CCDC146: variants seen among roughly 807,000 people sequenced by gnomAD.
CCDC146 encodes the protein coiled-coil domain-containing protein 146.
In CCDC146, 92 loss-of-function variants were observed where a neutral mutation model predicts 119.3. The observed-to-expected ratio is 0.77, with a 90% CI of 0.65 to 0.92. CCDC146 has a LOEUF of 0.92. CCDC146 is among the 40% of genes least tolerant of loss of function. The pLI is 0.00. For missense variants in CCDC146, 1,000 were observed against 1,103.0 expected (o/e 0.91, Z 1.32); for synonymous variants, 372 against 371.8 (o/e 1.00, Z -0.01).
rs958074974 is a variant in CCDC146 at position 77,131,993 on chromosome 7, C to T, written c.-12+9261C>T. On this transcript the variant is annotated intron_variant, in intron 1 of 18. Transcript: ENST00000285871. ...TCTTGATTGTAGTCATGGTAACTTG[C>T]GTACAAGCATTTGATAGAATGCATA... 5.3e-5 allele frequency among the ~76,000 whole-genome samples: 8 copies of T among 152,088 alleles called. No homozygotes were observed. In the East Asian group the frequency reaches 5.8e-4, roughly 11 times the overall value.
intron 9 of CCDC146, among the ~76,000 whole-genome samples, chr7:77,263,843 G>C (rs1257258231): frequency 3.9e-5 from 6 of 152,178 alleles, no homozygotes; most frequent in Non-Finnish European, 8.8e-5. Flanking sequence ...AGAATCGCTT[G>C]AACCCGGGAG....
intron 9 of CCDC146, among the ~76,000 whole-genome samples, chr7:77,262,861 G>A (rs563612033): frequency 5.2e-4 from 79 of 152,296 alleles, no homozygotes; most frequent in Middle Eastern, 6.8e-3. Flanking sequence ...CCCAAGTGAG[G>A]GGTCTGGTTG....
intron 17 of CCDC146, among the ~76,000 whole-genome samples, chr7:77,291,447 G>A (rs1793941918): frequency 6.6e-6 from 1 of 151,410 alleles, no homozygotes; most frequent in Admixed American, 6.6e-5. Flanking sequence ...GCTCATGCCT[G>A]TAATCCCAGC....
chr7:77,259,123 A>G (rs1793239183), intron 7 of CCDC146, 55 bp downstream of exon 7: 2 of 1,033,518 alleles, frequency 1.9e-6, no homozygotes, highest in Non-Finnish European at 2.9e-6. Context: ...ATGTGTGCAC[A>G]CTAGAACAAG....
chr7:77,171,971 G>A (rs1445361365), intron 2 of CCDC146, among the ~76,000 whole-genome samples: 2 of 152,174 alleles, frequency 1.3e-5, no homozygotes, highest in Non-Finnish European at 2.9e-5. Flanking sequence ...ATAATTTATA[G>A]TTATTAATTG....
Position 77,256,486 on chromosome 7 carries a change from T to C in CCDC146, c.661T>C (p.Leu221=). Residue 221 remains leucine (L), a synonymous_variant, in exon 6 of 19, where the codon TTG becomes CTG. Coordinates refer to ENST00000285871, the MANE Select transcript of CCDC146 (RefSeq NM_020879.3). ...AGAGCAGAAGGAACTAGAAGAATTG[T>C]TGGGACATCAGGTCGTCCTAAAGGT... The part of the protein sequence containing the change: ...LKEQKELEEL[L]GHQVVLKDEV... 1 of 1,605,552 alleles carries C rather than the reference T, an allele frequency of 6.2e-7. No homozygotes were observed. Among genetic ancestry groups the C allele is most frequent in the South Asian group, 1.1e-5 (1 of 88,502 alleles).
At chr7:77,131,058 A>C (rs1193834410) in intron 1 of CCDC146, among the ~76,000 whole-genome samples, 2 of 150,044 alleles carry the variant, frequency 1.3e-5, no homozygotes, top group Non-Finnish European at 1.5e-5. Context: ...CACCTGGCCA[A>C]TTTTTATAAA....
chr7:77,191,694 G>A (rs1791766078), intron 2 of CCDC146, among the ~76,000 whole-genome samples: 1 of 152,066 alleles, frequency 6.6e-6, no homozygotes, highest in Non-Finnish European at 1.5e-5. Context: ...GGATCACGAG[G>A]TCAGGAGATC....
intron 2 of CCDC146, chr7:77,197,013 G>C (rs1398566127): frequency 7.2e-7 from 1 of 1,382,088 alleles, no homozygotes; most frequent in Non-Finnish European, 1.0e-6. Context: ...GGAAGGCATT[G>C]GATCTTGTTA....
rs751587535 is a variant in CCDC146, at chr7:77,280,499, C to T, written c.1765C>T (p.Arg589Cys). 26 of 1,613,910 alleles carry T rather than the reference C, an allele frequency of 1.6e-5. No homozygotes were observed. Among genetic ancestry groups the T allele is most frequent in the Admixed American group, 5.0e-5 (3 of 59,994 alleles). ...TIRESMQNDV[R>C]KIVSKLQEMK... is the part of the protein sequence containing the mutation. Reference sequence around the variant, plus strand: ...CAGAGAGAGCATGCAAAACGATGTGCGCAAAATTGTATCAAAACTTCAGGA... The same window carrying T: ...CAGAGAGAGCATGCAAAACGATGTGTGCAAAATTGTATCAAAACTTCAGGA... The change falls in exon 14 of 19, where the codon CGC becomes TGC. Residue 589 changes from arginine to cysteine, a missense_variant. Physicochemically the swap from Arg to Cys is radical, Grantham distance 180. This residue lies in a region of CCDC146 where 985 missense variants were observed against 1,045.3 expected (regional missense o/e 0.94). Transcript: ENST00000285871.
chr7:77,196,460 C>T lies in CCDC146; in HGVS notation c.156+28636C>T. The T allele has an allele frequency of 6.2e-7, 1 of 1,614,116 alleles. No individual in the cohort carries two copies. The highest frequency in any genetic ancestry group is 1.1e-5 in the South Asian group (1 of 91,080). ...GTTTGCAGAAAGACATGCATCAAAC[C>T]ACCAGCCTGAACTGTAGTACAGCCC... On this transcript the variant is annotated intron_variant, in intron 2 of 18. Transcript: ENST00000285871. The surrounding 1 kb of genome is among the most constrained non-coding windows in gnomAD (Gnocchi z 4.2).
chr7:77,204,256 G>A (rs571406572), intron 2 of CCDC146, among the ~76,000 whole-genome samples: 24 of 151,826 alleles, frequency 1.6e-4, no homozygotes, highest in Non-Finnish European at 2.9e-4. Context: ...TTGAAATATC[G>A]ACAGTAAATA....
Position 77,147,220 on chromosome 7 carries a change from C to G in CCDC146, c.-11-20438C>G, listed in dbSNP as rs112442891. Among the ~76,000 whole-genome samples the G allele has an allele frequency of 2.6e-5, 4 of 152,172 alleles. No homozygotes were observed. The South Asian group carries it at 6.2e-4, about 24-fold the overall frequency. On this transcript the variant is annotated intron_variant, in intron 1 of 18. Transcript: ENST00000285871. ...ATCAAATCAGCTACTGAAGCTTGTG[C>G]ATTCATCATGTAGTTCTCATGCCAT...
chr7:77,256,796 A>T (rs1489356960), intron 6 of CCDC146, among the ~76,000 whole-genome samples: 1 of 152,172 alleles, frequency 6.6e-6, no homozygotes, highest in Non-Finnish European at 1.5e-5. Context: ...TGTCACAAAC[A>T]CAATTGTTTC....
intron 3 of CCDC146, 67 bp downstream of exon 3, chr7:77,237,096 G>A: frequency 7.8e-7 from 1 of 1,279,968 alleles, no homozygotes; most frequent in South Asian, 1.2e-5. Context: ...GATGAGACCT[G>A]TCTTCATTTG....
chr7:77,202,698 T>C (rs1158748717), intron 2 of CCDC146, among the ~76,000 whole-genome samples: 2 of 152,072 alleles, frequency 1.3e-5, no homozygotes, highest in Non-Finnish European at 2.9e-5. Flanking sequence ...CCCTAATGAG[T>C]GTATAACTCA....
At chr7:77,194,720 T>A (rs924171756) in intron 2 of CCDC146, 3 of 152,062 alleles carry the variant, frequency 2.0e-5, no homozygotes, top group African/African-American at 7.2e-5. Context: ...ATTAAAAAAA[T>A]TATTTCTAGG....
At chr7:77,286,477 G>A (rs1026194997) in intron 15 of CCDC146, among the ~76,000 whole-genome samples, 1 of 152,136 alleles carries the variant, frequency 6.6e-6, no homozygotes, top group Non-Finnish European at 1.5e-5. Flanking sequence ...TTGGAGCCCT[G>A]CAACCACACA....
chr7:77,185,934 C>A (rs1432643369), intron 2 of CCDC146, among the ~76,000 whole-genome samples: 1 of 152,114 alleles, frequency 6.6e-6, no homozygotes, highest in Non-Finnish European at 1.5e-5. Context: ...AATCAAAACT[C>A]CAACGAGATA....
Sources: allele counts gnomAD v4.1 joint callset (sites outside exome capture counted in the v4.1 genomes callset), GRCh38; gene constraint gnomAD v4.1.1; regional missense constraint gnomAD v4.1.1; non-coding constraint Gnocchi (gnomAD v3.1); transcripts MANE v1.5; gene names NCBI Gene and HGNC (gene_info 2026-07-23, HGNC 2026-07-21).